PIK3R3: variants seen among roughly 807,000 people sequenced by gnomAD.
PIK3R3 encodes phosphoinositide-3-kinase regulatory subunit 3, also known as phosphatidylinositol 3-kinase regulatory subunit gamma.
A neutral mutation model predicts 62.9 loss-of-function variants in PIK3R3; 64 were observed. That is an observed-to-expected ratio of 1.02 (90% CI 0.83 to 1.25). PIK3R3 has a LOEUF of 1.25. PIK3R3 is among the 50% of genes most tolerant of loss of function. The probability of loss-of-function intolerance (pLI) is 0.00; values close to 1 mark genes in which losing one functional copy is unlikely to be tolerated. For synonymous variants in PIK3R3, 165 were observed against 189.0 expected (o/e 0.87, Z 1.04); for missense variants, 614 against 561.6 (o/e 1.09, Z -0.94).
intron 2 of PIK3R3, 128 bp downstream of exon 2, chr1:46,080,514 G>T: frequency 1.5e-6 from 1 of 682,972 alleles, no homozygotes; most frequent in Non-Finnish European, 2.6e-6. Context: ...TTCAGCCTCA[G>T]CCTCCTGAGT....
At chr1:46,138,874 G>C in the PIK3R3 span, 1 of 152,168 alleles carries the variant, frequency 6.6e-6, no homozygotes, top group Non-Finnish European at 1.5e-5. Flanking sequence ...CAGGGTAGAG[G>C]CTACCTTCCA....
At chr1:46,089,982 C>T (rs1359529043) in intron 1 of PIK3R3, among the ~76,000 whole-genome samples, 1 of 152,044 alleles carries the variant, frequency 6.6e-6, no homozygotes, top group Non-Finnish European at 1.5e-5. Context: ...GGAGGTAAAA[C>T]ACCAGAAGAA....
chr1:46,149,743 C>A, the PIK3R3 span, among the ~76,000 whole-genome samples: 6 of 152,096 alleles, frequency 3.9e-5, no homozygotes, highest in Non-Finnish European at 8.8e-5. Context: ...GTTGGCCAGG[C>A]TGATCTCAAA....
chr1:46,087,320 A>C (rs1023079065), intron 1 of PIK3R3, among the ~76,000 whole-genome samples: 2 of 151,988 alleles, frequency 1.3e-5, no homozygotes, highest in Non-Finnish European at 2.9e-5. Context: ...AATGTAAAAA[A>C]AAAAAGAAAG....
intron 1 of PIK3R3, among the ~76,000 whole-genome samples, chr1:46,113,345 G>T (rs1207931207): frequency 4.0e-5 from 6 of 148,760 alleles, no homozygotes; most frequent in African/African-American, 1.2e-4. Flanking sequence ...TGTTGCCCAG[G>T]CTGGAGTGCA....
At chr1:46,101,162 A>G (rs1168256044) in intron 1 of PIK3R3, among the ~76,000 whole-genome samples, 3 of 117,026 alleles carry the variant, frequency 2.6e-5, no homozygotes, top group African/African-American at 6.6e-5. Context: ...ACAAAGCAAG[A>G]CTCCGTCTCA....
At chr1:46,152,903 C>G in the PIK3R3 span, among the ~76,000 whole-genome samples, 1 of 152,144 alleles carries the variant, frequency 6.6e-6, no homozygotes, top group African/African-American at 2.4e-5. Flanking sequence ...CTGTGTTTTC[C>G]CCCTCCTGAA....
chr1:46,144,881 T>G, the PIK3R3 span, among the ~76,000 whole-genome samples: 2 of 151,898 alleles, frequency 1.3e-5, no homozygotes, highest in East Asian at 3.9e-4. Context: ...TCCCAGTACT[T>G]TGGAAGGCTG....
chr1:46,171,175 C>T, the PIK3R3 span, among the ~76,000 whole-genome samples: 14 of 152,136 alleles, frequency 9.2e-5, no homozygotes, highest in Middle Eastern at 3.2e-3. Flanking sequence ...CCACCTCTCC[C>T]GAGGCTCAGG....
chr1:46,117,465 T>A lies in PIK3R3; in HGVS notation c.106+14382A>T, dbSNP rs546697907. 4.6e-5 allele frequency among the ~76,000 whole-genome samples: 7 copies of A among 152,118 alleles called. No homozygotes were observed. In the East Asian group the frequency reaches 1.4e-3, roughly 29 times the overall value. ...AAAGTAAATTATAGTACAATCTAAA[T>A]TTATCAACTAATGTTTATTTAAAAA... On this transcript the variant is annotated intron_variant, in intron 1 of 9. Transcript: ENST00000262741.
At chr1:46,165,034 A>G in the PIK3R3 span, among the ~76,000 whole-genome samples, 1 of 151,906 alleles carries the variant, frequency 6.6e-6, no homozygotes, top group African/African-American at 2.4e-5. Flanking sequence ...GGATCTCACT[A>G]TGTTGCCCAG....
Position 46,080,719 on chromosome 1 carries a change from A to C in PIK3R3, c.138T>G (p.Thr46=). The C allele has an allele frequency of 6.2e-7, 1 of 1,613,784 alleles. No homozygotes were observed. Among genetic ancestry groups the C allele is most frequent in the Non-Finnish European group, 8.5e-7 (1 of 1,179,654 alleles). The part of the protein sequence containing the change: ...ALPPKPPKPM[T]SAVPNGMKDS... Reference sequence around the variant, plus strand: ...CCTTCATTCCATTTGGAACTGCTGAAGTCATTGGCTTAGGTGGCTTTGGTG... The same window carrying C: ...CCTTCATTCCATTTGGAACTGCTGACGTCATTGGCTTAGGTGGCTTTGGTG... Residue 46 remains threonine, a synonymous_variant, in exon 2 of 10, where the codon ACT becomes ACG. Transcript: ENST00000262741.
rs371326624 is a variant in PIK3R3, at chr1:46,046,038, T to C, written c.1067A>G (p.Lys356Arg). Reference sequence around the variant, plus strand: ...ATTGATATCCTCAACAAACCAGGTTTTCTCATCATAATGGGGCAGGTTTTC... The same window carrying C: ...ATTGATATCCTCAACAAACCAGGTTCTCTCATCATAATGGGGCAGGTTTTC... ...EDENLPHYDE[K>R]TWFVEDINRV... The change falls in exon 9 of 10, where the codon AAA becomes AGA. Residue 356 changes from lysine (K) to arginine (R), a missense_variant. By Grantham distance (26) the Lys-to-Arg change is conservative. Coordinates refer to ENST00000262741, the MANE Select transcript of PIK3R3 (RefSeq NM_003629.4). The C allele has an allele frequency of 4.3e-6, 7 of 1,611,714 alleles. No homozygotes were observed. In the African/African-American group the frequency reaches 6.7e-5, roughly 15 times the overall value.
chr1:46,161,254 C>T, the PIK3R3 span, among the ~76,000 whole-genome samples: 2 of 148,376 alleles, frequency 1.3e-5, no homozygotes, highest in East Asian at 1.9e-4. Context: ...TCCCACCATA[C>T]CTAGCTAATT....
intron 1 of PIK3R3, among the ~76,000 whole-genome samples, chr1:46,102,414 A>G (rs931857558): frequency 6.6e-6 from 1 of 152,220 alleles, no homozygotes; most frequent in Non-Finnish European, 1.5e-5. Context: ...CTTGGATCCA[A>G]CAACCTTATT....
intron 1 of PIK3R3, among the ~76,000 whole-genome samples, chr1:46,123,457 T>C (rs1654847192): frequency 6.6e-6 from 1 of 152,218 alleles, no homozygotes. Flanking sequence ...GGTGCCATAT[T>C]ACTAAAGACT....
At chr1:46,122,781 G>C (rs991406469) in intron 1 of PIK3R3, among the ~76,000 whole-genome samples, 2 of 151,894 alleles carry the variant, frequency 1.3e-5, no homozygotes, top group Non-Finnish European at 2.9e-5. Flanking sequence ...GTTACAATAA[G>C]TGCCCAGCCA....
chr1:46,089,036 G>T (rs1651355487), intron 1 of PIK3R3, among the ~76,000 whole-genome samples: 1 of 152,152 alleles, frequency 6.6e-6, no homozygotes, highest in Non-Finnish European at 1.5e-5. Flanking sequence ...AATTACATAT[G>T]ATGGTAGAAT....
At position 46,127,930 on chromosome 1, in the gene PIK3R3, A is replaced by G. The variant is rs72897039; in HGVS notation, c.106+3917T>C. ...TCTACTGCTGCCAGGAAATACACAA[A>G]CATTAAGACATTAAACTCCCATTTG... On this transcript the variant is annotated intron_variant, in intron 1 of 9. Transcript: ENST00000262741. Among the ~76,000 whole-genome samples, 776 of 152,308 alleles carry G rather than the reference A, an allele frequency of 5.1e-3. 7 individuals are homozygous for G. Among genetic ancestry groups the G allele is most frequent in the African/African-American group, 0.018 (731 of 41,562 alleles).
Sources: gnomAD v4.1 joint callset for allele counts (sites outside exome capture counted in the v4.1 genomes callset) on GRCh38, gnomAD v4.1.1 for gene constraint, MANE v1.5 for transcripts, NCBI Gene and HGNC (gene_info 2026-07-23, HGNC 2026-07-21) for gene names.